Variants in TMEM184B observed in about 807,000 individuals in gnomAD.
TMEM184B encodes transmembrane protein 184B.
TMEM184B carries 17 observed loss-of-function variants against 41.8 expected under a neutral mutation model. That is an observed-to-expected ratio of 0.41 (90% CI 0.28 to 0.61). The LOEUF (loss-of-function observed/expected upper bound fraction) is 0.61, where lower values mean the gene tolerates loss of function less well. TMEM184B is among the 20% of genes least tolerant of loss of function. The pLI is 0.34. For synonymous variants in TMEM184B, 240 were observed against 229.5 expected (o/e 1.05, Z -0.41); for missense variants, 393 against 557.8 (o/e 0.70, Z 2.98).
At chr22:38,261,758 A>G (rs1367137740) in intron 1 of TMEM184B, among the ~76,000 whole-genome samples, 4 of 152,330 alleles carry the variant, frequency 2.6e-5, no homozygotes, top group African/African-American at 9.6e-5. Context: ...CAGATTCAGC[A>G]TCCTGCACCC....
chr22:38,266,157 G>A (rs135717), intron 1 of TMEM184B, among the ~76,000 whole-genome samples: 79,077 of 152,058 alleles, frequency 0.52, 21,331 homozygotes, highest in South Asian at 0.65. Flanking sequence ...CCCATGACCC[G>A]CAGGTAAAGG....
chr22:38,231,608 A>T (rs1468152501), intron 3 of TMEM184B: 2 of 575,024 alleles, frequency 3.5e-6, no homozygotes, highest in Non-Finnish European at 6.3e-6. Context: ...TCGTGAGTTC[A>T]GGGTTATGTG....
chr22:38,233,163 C>T (rs759914975), intron 3 of TMEM184B, among the ~76,000 whole-genome samples: 3 of 152,198 alleles, frequency 2.0e-5, no homozygotes, highest in Non-Finnish European at 2.9e-5. Flanking sequence ...AACACATTTG[C>T]GGCATTTTAT....
In TMEM184B at chr22:38,219,619, G is replaced by A. The variant is rs1185355958; in HGVS notation, c.*1850C>T. 52 of 985,212 alleles carry A rather than the reference G, an allele frequency of 5.3e-5. No individual in the cohort carries two copies. The highest frequency in any genetic ancestry group is 5.9e-5 in the Non-Finnish European group (49 of 829,908). The allele number at this position is 985,212 out of a possible 1,614,324, so 61.0% of individuals were successfully genotyped here. A position where few individuals can be genotyped will look rare whatever the true frequency, so the allele number is the denominator to read the frequency against. ...CATGTTCCCGTCCCCACGACCCCAC[G>A]GACCGCTGATTCCCTGCCACTGAGC... On this transcript the variant is annotated 3_prime_UTR_variant, in exon 9 of 9. Coordinates refer to ENST00000361906, the MANE Select transcript of TMEM184B (RefSeq NM_012264.5).
chr22:38,233,597 C>T (rs191562471), intron 3 of TMEM184B, among the ~76,000 whole-genome samples: 1 of 152,208 alleles, frequency 6.6e-6, no homozygotes, highest in African/African-American at 2.4e-5. Flanking sequence ...TGACTCTTCA[C>T]CAGCAAGAAC....
chr22:38,226,655 T>C lies in TMEM184B; in HGVS notation c.617+124A>G. On this transcript the variant is annotated intron_variant, in intron 6 of 8. Coordinates refer to ENST00000361906, the MANE Select transcript of TMEM184B (RefSeq NM_012264.5). This position sits in a 1 kb window ranked among gnomAD's most constrained non-coding sequence, Gnocchi z 4.6. Reference sequence around the variant, plus strand: ...CTGGGCTCAGACTTCAGGGGGGTTGTGAGCACCAGACACCCAGGAAGGTCA... The same window carrying C: ...CTGGGCTCAGACTTCAGGGGGGTTGCGAGCACCAGACACCCAGGAAGGTCA... 1 of 961,102 alleles carries C rather than the reference T, an allele frequency of 1.0e-6. No individual in the cohort carries two copies. Among genetic ancestry groups the C allele is most frequent in the Non-Finnish European group, 1.6e-6 (1 of 639,542 alleles). 59.5% of individuals were successfully genotyped at this position (961,102 alleles called of 1,614,324 possible). A position where few individuals can be genotyped will look rare whatever the true frequency, so the allele number is the denominator to read the frequency against.
At chr22:38,217,667 A>G (rs2146030793), downstream of TMEM184B, among the ~76,000 whole-genome samples, 2 of 151,660 alleles carry the variant, frequency 1.3e-5, no homozygotes, top group Middle Eastern at 6.8e-3. Flanking sequence ...AACAAAACAA[A>G]AAACAGAAAA....
chr22:38,251,874 A>G (rs929100002), intron 1 of TMEM184B, among the ~76,000 whole-genome samples: 6 of 150,390 alleles, frequency 4.0e-5, no homozygotes, highest in Non-Finnish European at 7.4e-5. Flanking sequence ...CTGCTCTGGC[A>G]GGACCAGATC....
At chr22:38,271,610 T>C (rs2092524736) in intron 1 of TMEM184B, among the ~76,000 whole-genome samples, 1 of 128,620 alleles carries the variant, frequency 7.8e-6, no homozygotes, top group African/African-American at 2.5e-5. Context: ...CCTGCCTCTG[T>C]ACTCCTTCTA....
At chr22:38,246,833 G>A (rs1346996518) in intron 2 of TMEM184B, 1 of 1,301,270 alleles carries the variant, frequency 7.7e-7, no homozygotes, top group Non-Finnish European at 1.0e-6. Flanking sequence ...GCAGCCCCTG[G>A]GTGTCTCGTC....
At chr22:38,264,034 A>G (rs1285835241) in intron 1 of TMEM184B, among the ~76,000 whole-genome samples, 2 of 152,210 alleles carry the variant, frequency 1.3e-5, no homozygotes, top group Admixed American at 1.3e-4. Flanking sequence ...CGACCTCCTG[A>G]CCTCAAGTTA....
At chr22:38,245,004 G>A (rs967408860) in intron 3 of TMEM184B, among the ~76,000 whole-genome samples, 7 of 152,218 alleles carry the variant, frequency 4.6e-5, no homozygotes, top group African/African-American at 4.8e-5. Flanking sequence ...GCCTGTGGTC[G>A]GAGCTCAGGA....
intron 3 of TMEM184B, among the ~76,000 whole-genome samples, chr22:38,242,694 AAG>A (rs2091938824): frequency 2.0e-5 from 3 of 152,310 alleles, no homozygotes; most frequent in Non-Finnish European, 2.9e-5. Context: ...AGGCAGCTGC[AAG>A]AGAGGGGCTA....
chr22:38,222,530 G>T, intron 8 of TMEM184B: 1 of 931,420 alleles, frequency 1.1e-6, no homozygotes, highest in Non-Finnish European at 1.3e-6. Context: ...CCCAGGGGGT[G>T]CCGGTGGGGA....
chr22:38,218,668 T>C (rs189374532), downstream of TMEM184B, among the ~76,000 whole-genome samples: 3 of 152,172 alleles, frequency 2.0e-5, no homozygotes, highest in South Asian at 2.1e-4. Flanking sequence ...GTGCTTTCCC[T>C]GCCAAGCCCA....
downstream of TMEM184B, chr22:38,219,185 A>G (rs996338144): frequency 4.9e-5 from 43 of 870,126 alleles, no homozygotes; most frequent in Non-Finnish European, 5.7e-5. Context: ...GGTTACACAC[A>G]GGAAGGAGAG....
rs576960094 is a variant in TMEM184B, at chr22:38,257,416, A to G, written c.-58-9397T>C. On this transcript the variant is annotated intron_variant, in intron 1 of 8. Transcript: ENST00000361906. ...TGGAAAAATGAGTAACCCGATTTAG[A>G]AAGAAAGCCAAGGATGCGTCTGCTC... Among the ~76,000 whole-genome samples, 316 of 152,308 alleles carry G rather than the reference A, an allele frequency of 2.1e-3. 3 individuals are homozygous for G. Among genetic ancestry groups the G allele is most frequent in the African/African-American group, 7.0e-3 (291 of 41,558 alleles).
intron 3 of TMEM184B, among the ~76,000 whole-genome samples, chr22:38,242,936 C>T (rs183745029): frequency 3.3e-5 from 5 of 151,886 alleles, no homozygotes; most frequent in Non-Finnish European, 5.9e-5. Context: ...GTAGCACACG[C>T]CTGTAGTCCC....
rs1429660309 is a variant in TMEM184B, at chr22:38,225,919, G to A, written c.618-326C>T. Among the ~76,000 whole-genome samples, 3 of 152,178 alleles carry A rather than the reference G, an allele frequency of 2.0e-5. No individual in the cohort carries two copies. Among genetic ancestry groups the A allele is most frequent in the East Asian group, 1.9e-4 (1 of 5,198 alleles). On this transcript the variant is annotated intron_variant, in intron 6 of 8. Coordinates refer to ENST00000361906, the MANE Select transcript of TMEM184B (RefSeq NM_012264.5). The surrounding 1 kb of genome is among the most constrained non-coding windows in gnomAD (Gnocchi z 4.4). ...ATAGCCTGACACTCAGATAACAGGCGTCAAAATAGGTGACGCTGCTCAGCT... is the reference window on the plus strand; with the variant it reads ...ATAGCCTGACACTCAGATAACAGGCATCAAAATAGGTGACGCTGCTCAGCT...
Sources: allele counts gnomAD v4.1 joint callset (sites outside exome capture counted in the v4.1 genomes callset), GRCh38; gene constraint gnomAD v4.1.1; non-coding constraint Gnocchi (gnomAD v3.1); transcripts MANE v1.5; gene names NCBI Gene and HGNC (gene_info 2026-07-23, HGNC 2026-07-21).